ARHGAP42: variants seen among roughly 807,000 people sequenced by gnomAD.
ARHGAP42 encodes the protein Rho GTPase activating protein 42, also known as rho GTPase-activating protein 42.
Under a neutral mutation model 125.0 loss-of-function variants are expected in ARHGAP42, and 63 were observed. That is an observed-to-expected ratio of 0.50 (90% CI 0.41 to 0.62). The LOEUF is 0.62. ARHGAP42 is among the 20% of genes least tolerant of loss of function. ARHGAP42 has a pLI of 0.00. For synonymous variants in ARHGAP42, 339 were observed against 351.0 expected, an observed-to-expected ratio of 0.97 and a Z score of 0.38; for missense variants, 766 against 1,024.2, an observed-to-expected ratio of 0.75 and a Z score of 3.44.
Position 100,967,524 on chromosome 11 carries a change from C to A in ARHGAP42, c.1550+1748C>A, listed in dbSNP as rs568088147. On this transcript the variant is annotated intron_variant, in intron 17 of 23. Coordinates refer to ENST00000298815, the MANE Select transcript of ARHGAP42 (RefSeq NM_152432.4). Reference sequence around the variant, plus strand: ...TGCTAGTGGTATTAAATTTGCCAATCGATGTTTTTAATTCAATAATATTCA... The same window carrying A: ...TGCTAGTGGTATTAAATTTGCCAATAGATGTTTTTAATTCAATAATATTCA... 3.9e-5 allele frequency among the ~76,000 whole-genome samples: 6 copies of A among 152,180 alleles called. No homozygotes were observed. The South Asian group carries it at 8.3e-4, about 21-fold the overall frequency.
chr11:100,853,478 A>G (rs1206777621), intron 3 of ARHGAP42, among the ~76,000 whole-genome samples: 1 of 152,192 alleles, frequency 6.6e-6, no homozygotes, highest in Non-Finnish European at 1.5e-5. Context: ...AAACAAAAGT[A>G]GTTTCAGAAC....
At chr11:100,766,608 CT>C (rs1862835002) in intron 1 of ARHGAP42, among the ~76,000 whole-genome samples, 1 of 152,124 alleles carries the variant, frequency 6.6e-6, no homozygotes. Flanking sequence ...AGATATTGGG[CT>C]TTCTAATTCA....
intron 1 of ARHGAP42, among the ~76,000 whole-genome samples, chr11:100,691,520 ATTT>A (rs1861190514): frequency 6.6e-6 from 1 of 151,972 alleles, no homozygotes; most frequent in African/African-American, 2.4e-5. Context: ...AAGCAAGGAG[ATTT>A]TTATTTATTT....
Position 100,992,380 on chromosome 11 carries a change from T to C in ARHGAP42, c.*3579T>C. 6.2e-7 allele frequency: 1 copy of C among 1,614,060 alleles called. No homozygotes were observed. Among genetic ancestry groups the C allele is most frequent in the Non-Finnish European group, 8.5e-7 (1 of 1,179,936 alleles). On this transcript the variant is annotated 3_prime_UTR_variant, in exon 24 of 24. Coordinates refer to ENST00000298815, the MANE Select transcript of ARHGAP42 (RefSeq NM_152432.4). Reference sequence around the variant, plus strand: ...CAGGTCACGAAAAAGAACACAGGCTTGACTATTGTCCAGAAGTTACTTTCC... The same window carrying C: ...CAGGTCACGAAAAAGAACACAGGCTCGACTATTGTCCAGAAGTTACTTTCC...
intron 3 of ARHGAP42, among the ~76,000 whole-genome samples, chr11:100,825,261 A>G (rs1864487388): frequency 1.3e-5 from 2 of 152,130 alleles, no homozygotes; most frequent in Admixed American, 1.3e-4. Context: ...TTCTATGTTT[A>G]TTTCTCATAC....
At chr11:100,963,703 G>A (rs554625046) in intron 16 of ARHGAP42, among the ~76,000 whole-genome samples, 13 of 152,052 alleles carry the variant, frequency 8.5e-5, no homozygotes, top group East Asian at 1.9e-4. Context: ...AGACATACAG[G>A]ACCAGAAAAA....
intron 22 of ARHGAP42, among the ~76,000 whole-genome samples, chr11:100,979,820 G>A (rs538068765): frequency 1.9e-4 from 29 of 152,098 alleles, no homozygotes; most frequent in Middle Eastern, 3.4e-3. Flanking sequence ...TTAGATGTAC[G>A]AACACATTTT....
intron 6 of ARHGAP42, among the ~76,000 whole-genome samples, chr11:100,931,573 C>T (rs1421680962): frequency 2.0e-5 from 3 of 152,136 alleles, no homozygotes; most frequent in Non-Finnish European, 2.9e-5. Flanking sequence ...TTCAAAGTAG[C>T]ACCTGCTTTG....
chr11:100,764,957 G>A (rs1328300065), intron 1 of ARHGAP42, among the ~76,000 whole-genome samples: 19 of 152,168 alleles, frequency 1.2e-4, no homozygotes, highest in Non-Finnish European at 2.2e-4. Context: ...CATGTTGAAA[G>A]GGGTCAGAAA....
At chr11:100,700,246 A>G (rs1231145635) in intron 1 of ARHGAP42, among the ~76,000 whole-genome samples, 5 of 152,226 alleles carry the variant, frequency 3.3e-5, no homozygotes, top group Admixed American at 3.3e-4. Flanking sequence ...GAAAAATGCT[A>G]ACAATCATCT....
chr11:100,788,315 C>T (rs1443632882), intron 2 of ARHGAP42, among the ~76,000 whole-genome samples: 2 of 152,056 alleles, frequency 1.3e-5, no homozygotes, highest in Admixed American at 6.6e-5. Flanking sequence ...AAAATCTGAC[C>T]ACAAGGAGGA....
intron 3 of ARHGAP42, among the ~76,000 whole-genome samples, chr11:100,829,598 C>T (rs1864617374): frequency 6.6e-6 from 1 of 152,150 alleles, no homozygotes; most frequent in Non-Finnish European, 1.5e-5. Flanking sequence ...CCTAGGGTGG[C>T]CAGTGACTGC....
At chr11:100,795,081 G>T in intron 2 of ARHGAP42, 24 bp from the exon 3 acceptor site, 1 of 1,509,358 alleles carries the variant, frequency 6.6e-7, no homozygotes, top group Non-Finnish European at 8.9e-7. Flanking sequence ...TTAATTCTTT[G>T]CATTTTTTTA....
chr11:100,834,542 A>T (rs1376326338), intron 3 of ARHGAP42, among the ~76,000 whole-genome samples: 1 of 152,122 alleles, frequency 6.6e-6, no homozygotes, highest in Non-Finnish European at 1.5e-5. Flanking sequence ...AGTCAAGCCA[A>T]TTAATGCAGA....
At chr11:100,986,554 C>T (rs1858683842) in intron 22 of ARHGAP42, among the ~76,000 whole-genome samples, 2 of 152,236 alleles carry the variant, frequency 1.3e-5, no homozygotes, top group East Asian at 1.9e-4. Flanking sequence ...TAAAGCTGCC[C>T]TCTGGCTGCT....
chr11:100,886,688 TAAG>T (rs1458762975), intron 4 of ARHGAP42, among the ~76,000 whole-genome samples: 2 of 152,214 alleles, frequency 1.3e-5, no homozygotes, highest in African/African-American at 2.4e-5. Context: ...AAGTTAATCT[TAAG>T]AAATGACTGT....
intron 1 of ARHGAP42, among the ~76,000 whole-genome samples, chr11:100,730,023 C>T (rs978688669): frequency 6.6e-6 from 1 of 151,968 alleles, no homozygotes; most frequent in Non-Finnish European, 1.5e-5. Flanking sequence ...GTTGGCCAGG[C>T]TGGTGTCAAA....
Position 100,974,583 on chromosome 11 carries a change from C to T in ARHGAP42, c.1835C>T (p.Pro612Leu). Residue 612 changes from proline (P) to leucine (L), a missense_variant, in exon 19 of 24, where the codon CCA becomes CTA. Transcript: ENST00000298815. ...GSRKPRGRYT[P>L]CLAEPDSDSY... is the part of the protein sequence containing the mutation. ...AGGAAGCCCAGAGGGAGGTATACTCCATGCCTGGCCGAACCTGATAGTAAG... is the reference window on the plus strand; with the variant it reads ...AGGAAGCCCAGAGGGAGGTATACTCTATGCCTGGCCGAACCTGATAGTAAG... 1 of 1,550,496 alleles carries T rather than the reference C, an allele frequency of 6.4e-7. No homozygotes were observed. Among genetic ancestry groups the T allele is most frequent in the Non-Finnish European group, 8.7e-7 (1 of 1,146,334 alleles).
intron 1 of ARHGAP42, among the ~76,000 whole-genome samples, chr11:100,708,209 G>A (rs1861508634): frequency 6.6e-6 from 1 of 152,052 alleles, no homozygotes. Context: ...ATAGTACCTG[G>A]TACATAGAAA....
Sources: allele counts gnomAD v4.1 joint callset (sites outside exome capture counted in the v4.1 genomes callset), GRCh38; gene constraint gnomAD v4.1.1; transcripts MANE v1.5; gene names NCBI Gene and HGNC (gene_info 2026-07-23, HGNC 2026-07-21).